Variants in PDGFD observed in about 807,000 individuals in gnomAD.
PDGFD encodes platelet-derived growth factor D.
PDGFD carries 30 observed loss-of-function variants against 44.7 expected under a neutral mutation model. The ratio of observed to expected loss-of-function variants is 0.67; its 90% confidence interval spans 0.50 to 0.91. PDGFD has a LOEUF of 0.91. PDGFD is among the 40% of genes least tolerant of loss of function. The pLI, the probability that PDGFD is intolerant of heterozygous loss-of-function variation, is 0.00. For synonymous variants in PDGFD, 173 were observed against 168.4 expected (o/e 1.03, Z -0.21); for missense variants, 445 against 457.8 (o/e 0.97, Z 0.25).
Position 104,163,917 on chromosome 11 carries a change from A to G in PDGFD, c.11T>C (p.Leu4Pro). ...GCAGATTAGAGTGTAGACAAAGATGAGCCGGTGCATTTGGGATCAGCGACT... is the reference window on the plus strand; with the variant it reads ...GCAGATTAGAGTGTAGACAAAGATGGGCCGGTGCATTTGGGATCAGCGACT... MHR[L>P]IFVYTLICAN... The change falls in exon 1 of 7, where the codon CTC (leucine) becomes CCC (proline). Residue 4 changes from leucine (L) to proline (P), a missense_variant. By Grantham distance (98) the Leu-to-Pro change is moderately conservative. Coordinates refer to ENST00000393158, the MANE Select transcript of PDGFD (RefSeq NM_025208.5). 2 of 1,548,746 alleles carry G rather than the reference A, an allele frequency of 1.3e-6. No homozygotes were observed. The highest frequency in any genetic ancestry group is 1.8e-6 in the Non-Finnish European group (2 of 1,133,808).
At position 104,112,954 on chromosome 11, in the gene PDGFD, A is replaced by C. The variant is rs1861581386; in HGVS notation, c.124+50850T>G. ...ACTAGGTTTAATACCTGGGTAAAAAATAATCTGTACAGCAAACCTCCATGA... is the reference window on the plus strand; with the variant it reads ...ACTAGGTTTAATACCTGGGTAAAAACTAATCTGTACAGCAAACCTCCATGA... On this transcript the variant is annotated intron_variant, in intron 1 of 6. Transcript: ENST00000393158. Among the ~76,000 whole-genome samples the C allele has an allele frequency of 1.3e-5, 2 of 152,098 alleles. 1 individual carries two copies. The highest frequency in any genetic ancestry group is 4.1e-4 in the South Asian group (2 of 4,828).
intron 1 of PDGFD, among the ~76,000 whole-genome samples, chr11:104,140,430 C>T (rs769645472): frequency 2.0e-5 from 3 of 149,634 alleles, no homozygotes; most frequent in African/African-American, 5.0e-5. Context: ...ACCCGTAAAT[C>T]CAACAATCCT....
At chr11:103,979,489 G>C (rs979627868) in intron 3 of PDGFD, among the ~76,000 whole-genome samples, 10 of 152,184 alleles carry the variant, frequency 6.6e-5, no homozygotes, top group African/African-American at 2.4e-4. Context: ...ATCTGGCAGG[G>C]AGGTTTCACA....
intron 6 of PDGFD, among the ~76,000 whole-genome samples, chr11:103,912,354 C>A (rs1858041180): frequency 1.3e-5 from 2 of 152,086 alleles, no homozygotes; most frequent in African/African-American, 2.4e-5. Flanking sequence ...AATTTTCAAC[C>A]CAGAATTTCA....
intron 1 of PDGFD, among the ~76,000 whole-genome samples, chr11:104,055,594 T>C (rs1860606676): frequency 6.6e-6 from 1 of 152,126 alleles, no homozygotes; most frequent in Admixed American, 6.5e-5. Flanking sequence ...TTTAAATAAA[T>C]CATAACTCTA....
chr11:103,991,933 A>G (rs909098725), intron 3 of PDGFD, among the ~76,000 whole-genome samples: 6 of 152,192 alleles, frequency 3.9e-5, no homozygotes, highest in South Asian at 2.1e-4. Context: ...TCTGTACACC[A>G]TCTACCGGGG....
Position 103,907,235 on chromosome 11 carries a change from T to G in PDGFD, c.*2459A>C, listed in dbSNP as rs1270764179. 6.6e-6 allele frequency: 1 copy of G among 152,178 alleles called. No homozygotes were observed. The highest frequency in any genetic ancestry group is 1.5e-5 in the Non-Finnish European group (1 of 68,040). 9.4% of individuals were successfully genotyped at this position (152,178 alleles called of 1,614,324 possible). A position where few individuals can be genotyped will look rare whatever the true frequency, so the allele number is the denominator to read the frequency against. ...ATTTTTCATGAAGATAAGAGGCATA[T>G]TACATTCGCTATAGAAAATGCTATG... On this transcript the variant is annotated 3_prime_UTR_variant, in exon 7 of 7. Coordinates refer to ENST00000393158, the MANE Select transcript of PDGFD (RefSeq NM_025208.5).
Position 103,907,998 on chromosome 11 carries a change from A to G in PDGFD, c.*1696T>C, listed in dbSNP as rs1050550641. On this transcript the variant is annotated 3_prime_UTR_variant, in exon 7 of 7. Transcript: ENST00000393158. Reference sequence around the variant, plus strand: ...TAACTGGGAAGAATTGCACTGCTTAAGAATAGTTGAACTTGGACCTGAGAG... The same window carrying G: ...TAACTGGGAAGAATTGCACTGCTTAGGAATAGTTGAACTTGGACCTGAGAG... 7 of 152,198 alleles carry G rather than the reference A, an allele frequency of 4.6e-5. No homozygotes were observed. Among genetic ancestry groups the G allele is most frequent in the Non-Finnish European group, 8.8e-5 (6 of 68,036 alleles). The allele number at this position is 152,198 out of a possible 1,614,324, so 9.4% of individuals were successfully genotyped here.
chr11:104,058,324 C>T (rs1441433988), intron 1 of PDGFD, among the ~76,000 whole-genome samples: 1 of 152,120 alleles, frequency 6.6e-6, no homozygotes, highest in Non-Finnish European at 1.5e-5. Context: ...CTCAATACAA[C>T]ATGGGCAAAA....
Position 103,927,064 on chromosome 11 carries a change from C to T in PDGFD, c.835G>A (p.Val279Ile). 8.7e-6 allele frequency: 14 copies of T among 1,614,174 alleles called. No homozygotes were observed. Among genetic ancestry groups the T allele is most frequent in the Non-Finnish European group, 1.1e-5 (13 of 1,180,020 alleles). The change falls in exon 6 of 7, where the codon GTC becomes ATC. Residue 279 changes from valine to isoleucine, a missense_variant. Transcript: ENST00000393158. ...AACTTCAGCTCTTCTCTTATATTGA[C>T]CGAGTAATTCCTGGGAGTGCAACTG... ...RYSCTPRNYS[V>I]NIREELKLAN...
At chr11:104,040,368 A>C (rs1352196008) in intron 1 of PDGFD, among the ~76,000 whole-genome samples, 2 of 152,134 alleles carry the variant, frequency 1.3e-5, no homozygotes, top group East Asian at 3.8e-4. Flanking sequence ...AAAATCATTA[A>C]ACAAAATGAA....
At chr11:104,102,745 G>C (rs907017665) in intron 1 of PDGFD, among the ~76,000 whole-genome samples, 1 of 152,160 alleles carries the variant, frequency 6.6e-6, no homozygotes, top group African/African-American at 2.4e-5. Flanking sequence ...ATACTATGCA[G>C]CCATAAAAAA....
At chr11:103,959,571 T>C (rs1858906203) in intron 3 of PDGFD, among the ~76,000 whole-genome samples, 1 of 152,170 alleles carries the variant, frequency 6.6e-6, no homozygotes, top group African/African-American at 2.4e-5. Context: ...AGCTGGCACA[T>C]TTTGGATCTC....
intron 5 of PDGFD, among the ~76,000 whole-genome samples, chr11:103,942,318 TA>T (rs1161528351): frequency 6.6e-6 from 1 of 152,138 alleles, no homozygotes; most frequent in East Asian, 1.9e-4. Context: ...CATAACAGAC[TA>T]GAAGTAACTG....
At chr11:103,920,296 G>A (rs1247077504) in intron 6 of PDGFD, among the ~76,000 whole-genome samples, 3 of 152,170 alleles carry the variant, frequency 2.0e-5, no homozygotes, top group East Asian at 3.8e-4. Flanking sequence ...GTTACTATGA[G>A]GTGTACTCAG....
intron 6 of PDGFD, among the ~76,000 whole-genome samples, chr11:103,912,806 CAA>C (rs151187277): frequency 3.3e-4 from 47 of 143,432 alleles, no homozygotes; most frequent in Non-Finnish European, 4.5e-4. Flanking sequence ...AAATGGAAAA[CAA>C]AAAAAAAAAG....
chr11:103,979,056 G>A lies in PDGFD; in HGVS notation c.510+17009C>T, dbSNP rs1859224915. On this transcript the variant is annotated intron_variant, in intron 3 of 6. Transcript: ENST00000393158. ...TTTCCCCATGAGATACTGATTCACTGAGTCAGGCATCAGTTCTGGACATGT... is the reference window on the plus strand; with the variant it reads ...TTTCCCCATGAGATACTGATTCACTAAGTCAGGCATCAGTTCTGGACATGT... Among the ~76,000 whole-genome samples, 2 of 152,044 alleles carry A rather than the reference G, an allele frequency of 1.3e-5. 1 individual carries two copies. Among genetic ancestry groups the A allele is most frequent in the African/African-American group, 4.8e-5 (2 of 41,428 alleles).
chr11:103,981,234 C>T (rs957923571), intron 3 of PDGFD, among the ~76,000 whole-genome samples: 4 of 151,530 alleles, frequency 2.6e-5, no homozygotes, highest in East Asian at 3.9e-4. Context: ...ACTCCCTTAC[C>T]GTGTAATGCT....
At chr11:103,935,657 T>C (rs542479812) in intron 5 of PDGFD, among the ~76,000 whole-genome samples, 1 of 152,202 alleles carries the variant, frequency 6.6e-6, no homozygotes, top group Non-Finnish European at 1.5e-5. Context: ...AGATTACTGA[T>C]GGTTATCTTA....
Sources: allele counts gnomAD v4.1 joint callset (sites outside exome capture counted in the v4.1 genomes callset), GRCh38; gene constraint gnomAD v4.1.1; transcripts MANE v1.5; gene names NCBI Gene and HGNC (gene_info 2026-07-23, HGNC 2026-07-21).